The following KIZ variants were observed in gnomAD, a reference collection of about 807,000 sequenced individuals.
KIZ encodes the protein centrosomal protein kizuna.
KIZ carries 68 observed loss-of-function variants against 79.6 expected under a neutral mutation model. The observed-to-expected ratio is 0.85, with a 90% confidence interval of 0.70 to 1.05. The LOEUF is 1.05. KIZ is among the 50% of genes least tolerant of loss of function. KIZ has a pLI of 0.00. For missense variants in KIZ, 797 were observed against 800.4 expected, an observed-to-expected ratio of 1.00 and a Z score of 0.05; for synonymous variants, 280 against 281.8, an observed-to-expected ratio of 0.99 and a Z score of 0.06.
Position 21,232,807 on chromosome 20 carries a change from T to C in KIZ, c.1857T>C (p.Ser619=), listed in dbSNP as rs1057281900. 1.9e-6 allele frequency: 3 copies of C among 1,559,400 alleles called. No individual in the cohort carries two copies. In the Middle Eastern group the frequency reaches 5.0e-4, roughly 261 times the overall value. ...NKIASEASFS[S]SEGSPLSRHE... ...TTGCTTCGGAAGCTAGTTTTTCATCTAGTGAAGGAAGTCCTTTGTCAAGGT... is the reference window on the plus strand; with the variant it reads ...TTGCTTCGGAAGCTAGTTTTTCATCCAGTGAAGGAAGTCCTTTGTCAAGGT... The change falls in exon 11 of 13, where the codon TCT becomes TCC. Residue 619 remains serine, a synonymous_variant. Transcript: ENST00000619189.
Position 21,214,620 on chromosome 20 carries a change from C to T in KIZ, c.1532C>T (p.Pro511Leu), listed in dbSNP as rs771495664. 2.5e-6 allele frequency: 4 copies of T among 1,612,382 alleles called. No individual in the cohort carries two copies. Among genetic ancestry groups the T allele is most frequent in the Non-Finnish European group, 2.5e-6 (3 of 1,178,542 alleles). ...AGTAGTGAATCATCTTGCAGCTTGC[C>T]ATCTATTCTGAATGACAATAGTGGA... ...IHSSESSCSL[P>L]SILNDNSGIK... The change falls in exon 8 of 13, where the codon CCA (proline) becomes CTA (leucine). Residue 511 changes from proline to leucine, a missense_variant. Physicochemically the swap from Pro to Leu is moderately conservative, Grantham distance 98. Transcript: ENST00000619189.
At chr20:21,168,500 A>T (rs1396892012) in intron 6 of KIZ, among the ~76,000 whole-genome samples, 1 of 152,196 alleles carries the variant, frequency 6.6e-6, no homozygotes, top group South Asian at 2.1e-4. Context: ...GAAAATGGCC[A>T]TACTGCCCAG....
At chr20:21,127,588 G>A (rs542912463) in intron 1 of KIZ, among the ~76,000 whole-genome samples, 1 of 152,278 alleles carries the variant, frequency 6.6e-6, no homozygotes, top group Non-Finnish European at 1.5e-5. Context: ...TCACGGTTCT[G>A]CATTTCGAGA....
chr20:21,197,845 C>G (rs2035409823), intron 6 of KIZ: 1 of 152,156 alleles, frequency 6.6e-6, no homozygotes, highest in Non-Finnish European at 1.5e-5. Context: ...TTTATAGGCT[C>G]TGTAATCACA....
intron 6 of KIZ, among the ~76,000 whole-genome samples, chr20:21,172,740 T>C (rs935993983): frequency 6.6e-6 from 1 of 151,676 alleles, no homozygotes; most frequent in South Asian, 2.1e-4. Context: ...AGTGGGAGAG[T>C]TGGTAAGCCA....
chr20:21,228,128 A>G (rs1390511889), intron 9 of KIZ, among the ~76,000 whole-genome samples: 1 of 152,132 alleles, frequency 6.6e-6, no homozygotes, highest in African/African-American at 2.4e-5. Context: ...GAAGCCAGCA[A>G]AAGCAGGAAT....
chr20:21,138,016 C>T (rs1267548901), intron 3 of KIZ, among the ~76,000 whole-genome samples: 1 of 152,136 alleles, frequency 6.6e-6, no homozygotes, highest in Non-Finnish European at 1.5e-5. Flanking sequence ...AAGAAATTAT[C>T]CTAACTTGGC....
intron 6 of KIZ, among the ~76,000 whole-genome samples, chr20:21,204,325 C>T (rs948639385): frequency 1.5e-4 from 22 of 151,324 alleles, no homozygotes; most frequent in African/African-American, 5.1e-4. Context: ...CCGTTTTAGC[C>T]GGGATGGTCT....
At chr20:21,166,929 C>CT (rs2033968517) in intron 6 of KIZ, among the ~76,000 whole-genome samples, 1 of 152,208 alleles carries the variant, frequency 6.6e-6, no homozygotes, top group Non-Finnish European at 1.5e-5. Flanking sequence ...AAGATACTCT[C>CT]TTGTTTCCTG....
chr20:21,221,355 TA>T (rs2036496565), intron 9 of KIZ, among the ~76,000 whole-genome samples: 1 of 152,164 alleles, frequency 6.6e-6, no homozygotes, highest in Non-Finnish European at 1.5e-5. Context: ...ATGGGGATAT[TA>T]AGGAATTTTC....
At chr20:21,204,759 T>G (rs1019855694) in intron 6 of KIZ, among the ~76,000 whole-genome samples, 13 of 152,212 alleles carry the variant, frequency 8.5e-5, no homozygotes, top group African/African-American at 3.1e-4. Context: ...TACCACAGCC[T>G]GAGCAGCAAT....
At chr20:21,234,757 A>G (rs1414693266) in intron 11 of KIZ, among the ~76,000 whole-genome samples, 1 of 151,868 alleles carries the variant, frequency 6.6e-6, no homozygotes, top group African/African-American at 2.4e-5. Context: ...AAGAAAAAAA[A>G]AAAACCCACT....
chr20:21,208,576 G>T (rs1022184471), intron 7 of KIZ, among the ~76,000 whole-genome samples: 9 of 152,114 alleles, frequency 5.9e-5, no homozygotes, highest in African/African-American at 2.2e-4. Context: ...GCTGGCGGGC[G>T]CCTGTAGTCC....
intron 7 of KIZ, chr20:21,213,507 A>G (rs2123282313): frequency 6.6e-6 from 1 of 152,262 alleles, no homozygotes; most frequent in Non-Finnish European, 1.5e-5. Flanking sequence ...GTTGAACACT[A>G]CCCAGTATTT....
intron 6 of KIZ, among the ~76,000 whole-genome samples, chr20:21,174,415 A>G (rs2034348507): frequency 6.6e-6 from 1 of 152,202 alleles, no homozygotes; most frequent in Admixed American, 6.5e-5. Context: ...GCTGTCTCCC[A>G]GTGAATCTTT....
At chr20:21,212,715 G>C (rs2036117256) in intron 7 of KIZ, among the ~76,000 whole-genome samples, 1 of 152,210 alleles carries the variant, frequency 6.6e-6, no homozygotes, top group South Asian at 2.1e-4. Context: ...AGAGGGCTCA[G>C]TGCAGAACTG....
intron 9 of KIZ, among the ~76,000 whole-genome samples, chr20:21,226,843 G>A (rs770679446): frequency 2.0e-5 from 3 of 152,124 alleles, no homozygotes; most frequent in Non-Finnish European, 2.9e-5. Flanking sequence ...GGTGGGCCTC[G>A]GTGACTCTCC....
In KIZ at chr20:21,162,315, C is replaced by G. The variant is rs2122692224; in HGVS notation, c.850C>G (p.Pro284Ala). ...LNSPLRERLS[P>A]ENRTTDLKCD... is the part of the protein sequence containing the mutation. ...TTCCCCGTTACGGGAAAGATTAAGT[C>G]CAGAGAACAGAACCACTGATTTAAA... The change falls in exon 5 of 13, where the codon CCA (proline) becomes GCA (alanine). Residue 284 changes from proline (P) to alanine (A), a missense_variant. Physicochemically the swap from Pro to Ala is conservative, Grantham distance 27. Coordinates refer to ENST00000619189, the MANE Select transcript of KIZ (RefSeq NM_018474.6). The G allele has an allele frequency of 6.2e-7, 1 of 1,613,692 alleles. No individual in the cohort carries two copies. The highest frequency in any genetic ancestry group is 2.2e-5 in the East Asian group (1 of 44,876).
At chr20:21,241,212 C>G (rs932922988) in intron 11 of KIZ, among the ~76,000 whole-genome samples, 3 of 152,200 alleles carry the variant, frequency 2.0e-5, no homozygotes, top group Admixed American at 6.5e-5. Context: ...TCTCCATCAG[C>G]CTTGCCTTAG....
Sources: allele counts gnomAD v4.1 joint callset (sites outside exome capture counted in the v4.1 genomes callset), GRCh38; gene constraint gnomAD v4.1.1; transcripts MANE v1.5; gene names NCBI Gene and HGNC (gene_info 2026-07-23, HGNC 2026-07-21).